The following DOCK3 variants were observed in gnomAD, a reference collection of about 807,000 sequenced individuals.
DOCK3 encodes dedicator of cytokinesis protein 3.
DOCK3 carries 60 observed loss-of-function variants against 265.6 expected under a neutral mutation model. The ratio of observed to expected loss-of-function variants is 0.23; its 90% CI spans 0.18 to 0.28. DOCK3 has a LOEUF of 0.28. Ranked by LOEUF, DOCK3 falls within the 10% of genes least tolerant of loss-of-function variation. The pLI is 1.00. For missense variants in DOCK3, 1,981 were observed against 2,594.3 expected (o/e 0.76, Z 5.14); for synonymous variants, 881 against 938.0 (o/e 0.94, Z 1.11).
intron 5 of DOCK3, among the ~76,000 whole-genome samples, chr3:51,008,751 G>A (rs557978834): frequency 1.3e-5 from 2 of 152,096 alleles, no homozygotes; most frequent in Admixed American, 1.3e-4. Flanking sequence ...ATTGGCTGTG[G>A]GTTTGTCATA....
At chr3:50,935,414 G>A (rs914780173) in intron 5 of DOCK3, among the ~76,000 whole-genome samples, 1 of 152,158 alleles carries the variant, frequency 6.6e-6, no homozygotes, top group Admixed American at 6.5e-5. Flanking sequence ...GGGTGGCAGG[G>A]AGGAACCCAG....
intron 9 of DOCK3, among the ~76,000 whole-genome samples, chr3:51,105,610 G>A (rs2083251600): frequency 6.6e-6 from 1 of 152,158 alleles, no homozygotes; most frequent in Non-Finnish European, 1.5e-5. Context: ...TATTGATACA[G>A]CAACATGAAT....
At chr3:51,266,897 A>G (rs532773690) in intron 23 of DOCK3, among the ~76,000 whole-genome samples, 19 of 152,364 alleles carry the variant, frequency 1.2e-4, no homozygotes, top group Non-Finnish European at 2.4e-4. Context: ...GGCAAGCTAT[A>G]GAATAGGAGA....
At chr3:50,708,357 A>G (rs2036546966) in intron 1 of DOCK3, among the ~76,000 whole-genome samples, 2 of 151,972 alleles carry the variant, frequency 1.3e-5, no homozygotes, top group Non-Finnish European at 2.9e-5. Flanking sequence ...TGCTATGCTG[A>G]CCTTTTCTCA....
At chr3:50,679,764 C>A (rs1459294233) in intron 1 of DOCK3, among the ~76,000 whole-genome samples, 2 of 152,178 alleles carry the variant, frequency 1.3e-5, no homozygotes, top group African/African-American at 4.8e-5. Flanking sequence ...GGCCCCAATA[C>A]CCCTTTAGAG....
chr3:51,076,750 A>G (rs893112681), intron 7 of DOCK3, among the ~76,000 whole-genome samples: 1 of 152,196 alleles, frequency 6.6e-6, no homozygotes, highest in Non-Finnish European at 1.5e-5. Flanking sequence ...ATTTAAGTAT[A>G]CAATGATGCT....
intron 9 of DOCK3, among the ~76,000 whole-genome samples, chr3:51,142,685 A>G (rs1231663092): frequency 6.6e-6 from 1 of 152,144 alleles, no homozygotes; most frequent in Non-Finnish European, 1.5e-5. Flanking sequence ...TGCTATAAAT[A>G]TTTATATATA....
chr3:51,053,538 T>G (rs1559994997), intron 5 of DOCK3, among the ~76,000 whole-genome samples: 2 of 151,758 alleles, frequency 1.3e-5, no homozygotes, highest in East Asian at 3.9e-4. Flanking sequence ...TCTCCTGCCT[T>G]AACCTCCTGA....
chr3:50,941,173 C>T (rs551868239), intron 5 of DOCK3, among the ~76,000 whole-genome samples: 13 of 151,982 alleles, frequency 8.6e-5, no homozygotes, highest in South Asian at 2.1e-4. Context: ...AATTATATAT[C>T]CATCAAAAGA....
At chr3:51,306,351 T>C (rs1387320218) in intron 27 of DOCK3, among the ~76,000 whole-genome samples, 1 of 152,206 alleles carries the variant, frequency 6.6e-6, no homozygotes, top group Non-Finnish European at 1.5e-5. Context: ...TTCTCTTTAT[T>C]TTTGGCTTTT....
chr3:51,187,751 CTTTTTT>C (rs1222615450), intron 12 of DOCK3, among the ~76,000 whole-genome samples: 1 of 112,142 alleles, frequency 8.9e-6, no homozygotes, highest in Non-Finnish European at 1.8e-5. Context: ...TCTGCACAAG[CTTTTTT>C]TTTTTTTTTT....
At chr3:50,998,279 G>A (rs1049629978) in intron 5 of DOCK3, among the ~76,000 whole-genome samples, 4 of 152,298 alleles carry the variant, frequency 2.6e-5, no homozygotes, top group South Asian at 4.1e-4. Context: ...TTGAATGCTA[G>A]CTCTTGATTA....
At chr3:51,314,756 A>G (rs569520814) in intron 31 of DOCK3, among the ~76,000 whole-genome samples, 1 of 152,324 alleles carries the variant, frequency 6.6e-6, no homozygotes, top group South Asian at 2.1e-4. Context: ...TTCTTTGGAA[A>G]AGCAGTTTTG....
Position 51,051,177 on chromosome 3 carries a change from A to G in DOCK3, c.316-13271A>G, listed in dbSNP as rs569186971. Among the ~76,000 whole-genome samples, 4 of 152,356 alleles carry G rather than the reference A, an allele frequency of 2.6e-5. No individual in the cohort carries two copies. In the East Asian group the frequency reaches 7.7e-4, roughly 29 times the overall value. ...TTATATAAAGTTTTTAAAAATAGATAAAACCAAACAATTTTTAAAGGGATA... is the reference window on the plus strand; with the variant it reads ...TTATATAAAGTTTTTAAAAATAGATGAAACCAAACAATTTTTAAAGGGATA... On this transcript the variant is annotated intron_variant, in intron 5 of 52. Transcript: ENST00000266037.
intron 12 of DOCK3, among the ~76,000 whole-genome samples, chr3:51,203,950 T>G (rs2088989744): frequency 6.6e-6 from 1 of 152,102 alleles, no homozygotes; most frequent in South Asian, 2.1e-4. Context: ...GCTGGGAAAA[T>G]TGGCTAGCAA....
intron 23 of DOCK3, among the ~76,000 whole-genome samples, chr3:51,266,707 C>G (rs2080191081): frequency 6.6e-6 from 1 of 152,134 alleles, no homozygotes; most frequent in Non-Finnish European, 1.5e-5. Flanking sequence ...AACATAAGAC[C>G]TAAAACCATA....
At chr3:50,720,829 G>A (rs1265358973) in intron 1 of DOCK3, among the ~76,000 whole-genome samples, 4 of 152,186 alleles carry the variant, frequency 2.6e-5, no homozygotes, top group African/African-American at 9.6e-5. Context: ...CAGTGTATAA[G>A]CGTTCCCTTT....
At chr3:50,820,936 C>T (rs2459450) in intron 2 of DOCK3, among the ~76,000 whole-genome samples, 142,818 of 151,432 alleles carry the variant, frequency 0.94, 67,962 homozygotes, top group East Asian at 1. Flanking sequence ...TGTTGGCTGC[C>T]TGTGTGTTGT....
chr3:50,900,859 A>G, intron 4 of DOCK3: 1 of 415,216 alleles, frequency 2.4e-6, no homozygotes, highest in East Asian at 7.9e-5. Context: ...TTTGTCCCAG[A>G]GGGGCACCCA....
Sources: gnomAD v4.1 joint callset for allele counts (sites outside exome capture counted in the v4.1 genomes callset) on GRCh38, gnomAD v4.1.1 for gene constraint, MANE v1.5 for transcripts, NCBI Gene and HGNC (gene_info 2026-07-23, HGNC 2026-07-21) for gene names.